The following RALYL variants were observed in gnomAD, a reference collection of about 807,000 sequenced individuals.
RALYL encodes RNA-binding Raly-like protein.
In RALYL, 29 loss-of-function variants were observed where a neutral mutation model predicts 35.1. That is an observed-to-expected ratio of 0.83 (90% confidence interval 0.61 to 1.13). RALYL has a LOEUF of 1.13. Ranked by LOEUF, RALYL falls within the 50% of genes most tolerant of loss-of-function variation. The pLI is 0.00. For missense variants in RALYL, 359 were observed against 360.4 expected (o/e 1.00, Z 0.03); for synonymous variants, 120 against 127.6 (o/e 0.94, Z 0.40).
At chr8:84,878,364 A>C (rs1388566380) in intron 7 of RALYL, among the ~76,000 whole-genome samples, 1 of 152,190 alleles carries the variant, frequency 6.6e-6, no homozygotes, top group Non-Finnish European at 1.5e-5. Context: ...GAACATGAGC[A>C]GCCCAAGAGG....
chr8:84,552,330 A>G (rs1466169289), intron 2 of RALYL, among the ~76,000 whole-genome samples: 3 of 108,950 alleles, frequency 2.8e-5, no homozygotes, highest in African/African-American at 1.0e-4. Context: ...CTATAGTAGG[A>G]TGTGTGTGTA....
intron 2 of RALYL, among the ~76,000 whole-genome samples, chr8:84,593,426 A>G (rs1240939321): frequency 6.6e-6 from 1 of 152,040 alleles, no homozygotes; most frequent in East Asian, 1.9e-4. Context: ...AAACACTGTG[A>G]TCTCTATTTG....
intron 2 of RALYL, chr8:84,705,966 G>C (rs760135376): frequency 2.4e-5 from 37 of 1,531,748 alleles, no homozygotes; most frequent in Non-Finnish European, 3.1e-5. Context: ...AGCACAACCC[G>C]TCTCTTTGTC....
At chr8:84,670,044 C>A (rs1356482702) in intron 2 of RALYL, among the ~76,000 whole-genome samples, 4 of 152,040 alleles carry the variant, frequency 2.6e-5, no homozygotes, top group Admixed American at 6.6e-5. Flanking sequence ...TATCAAAATT[C>A]TTGAGAGCTT....
chr8:84,652,138 G>A (rs189144135), intron 2 of RALYL, among the ~76,000 whole-genome samples: 1 of 152,126 alleles, frequency 6.6e-6, no homozygotes, highest in Admixed American at 6.6e-5. Context: ...CTACAAGTAG[G>A]CACAGCACTG....
rs575170996 is a variant in RALYL at position 84,425,344 on chromosome 8, C to A, written c.-23-103955C>A. The stretch of plus-strand genomic sequence containing the variant: ...GCGTCCGTCACCCCTTTCTTTGACT[C>A]GGAAAGGGAACTCCCTGACCCCTTG... On this transcript the variant is annotated intron_variant, in intron 1 of 8. Transcript: ENST00000521268. Among the ~76,000 whole-genome samples the A allele has an allele frequency of 2.7e-5, 4 of 150,024 alleles. No homozygotes were observed. In the East Asian group the frequency reaches 6.0e-4, roughly 22 times the overall value.
chr8:84,582,440 G>A (rs1019489674), intron 2 of RALYL, among the ~76,000 whole-genome samples: 1 of 151,850 alleles, frequency 6.6e-6, no homozygotes, highest in Non-Finnish European at 1.5e-5. Context: ...AGGCTGGTGT[G>A]TTAGCTGCAG....
chr8:84,507,096 G>A (rs907849683), intron 1 of RALYL, among the ~76,000 whole-genome samples: 7 of 151,896 alleles, frequency 4.6e-5, no homozygotes, highest in East Asian at 1.9e-4. Context: ...AGTTTTTATT[G>A]TTCACCACTG....
At chr8:84,722,585 T>C (rs968561186) in intron 2 of RALYL, among the ~76,000 whole-genome samples, 14 of 144,030 alleles carry the variant, frequency 9.7e-5, no homozygotes, top group Non-Finnish European at 2.1e-4. Flanking sequence ...AGAACTACAA[T>C]GTCTCAAGGT....
At chr8:84,378,995 C>T (rs1396787445) in intron 1 of RALYL, among the ~76,000 whole-genome samples, 1 of 151,926 alleles carries the variant, frequency 6.6e-6, no homozygotes, top group Non-Finnish European at 1.5e-5. Flanking sequence ...TGCCTGTTCT[C>T]AGTCCCTGCT....
intron 2 of RALYL, among the ~76,000 whole-genome samples, chr8:84,653,615 T>C (rs983087533): frequency 6.6e-6 from 1 of 152,030 alleles, no homozygotes; most frequent in African/African-American, 2.4e-5. Context: ...AGATCTCTGA[T>C]TAATTAAATT....
rs534533199 is a variant in RALYL at position 84,365,517 on chromosome 8, T to A, written c.-23-163782T>A. ...TAACTCAATTTATATAATAAAAGGA[T>A]AAAAATGAACAACTAAAAGGAAATT... is the stretch of plus-strand genomic sequence containing the variant. On this transcript the variant is annotated intron_variant, in intron 1 of 8. Coordinates refer to ENST00000521268, the MANE Select transcript of RALYL (RefSeq NM_173848.7). 3.9e-3 allele frequency among the ~76,000 whole-genome samples: 590 copies of A among 152,274 alleles called. 3 individuals are homozygous for A. Among genetic ancestry groups the A allele is most frequent in the African/African-American group, 0.014 (572 of 41,560 alleles).
chr8:84,552,355 T>A (rs1285976269), intron 2 of RALYL, among the ~76,000 whole-genome samples: 1 of 87,218 alleles, frequency 1.1e-5, no homozygotes, highest in Admixed American at 1.2e-4. Context: ...TATATATATA[T>A]ATATTTTTTT....
At chr8:84,689,676 T>C (rs1564379311) in intron 2 of RALYL, among the ~76,000 whole-genome samples, 1 of 152,172 alleles carries the variant, frequency 6.6e-6, no homozygotes, top group Non-Finnish European at 1.5e-5. Flanking sequence ...AGGGTTGAAC[T>C]AGTTTACAGT....
At chr8:84,475,190 T>C (rs1017617045) in intron 1 of RALYL, among the ~76,000 whole-genome samples, 1 of 152,018 alleles carries the variant, frequency 6.6e-6, no homozygotes, top group East Asian at 1.9e-4. Flanking sequence ...GATAGTTTGC[T>C]CAGAATGATG....
At chr8:84,557,640 T>C (rs1282010407) in intron 2 of RALYL, among the ~76,000 whole-genome samples, 1 of 152,222 alleles carries the variant, frequency 6.6e-6, no homozygotes, top group Non-Finnish European at 1.5e-5. Context: ...ACCTTTTAAT[T>C]GTGTCTATCA....
At chr8:84,187,087 G>C (rs1316387139) in intron 1 of RALYL, among the ~76,000 whole-genome samples, 15 of 152,084 alleles carry the variant, frequency 9.9e-5, no homozygotes, top group Non-Finnish European at 1.8e-4. Context: ...GGTTTCCAAG[G>C]TAAAGGTGGG....
chr8:84,274,461 T>G (rs1834956477), intron 1 of RALYL, among the ~76,000 whole-genome samples: 1 of 152,166 alleles, frequency 6.6e-6, no homozygotes, highest in South Asian at 2.1e-4. Context: ...GAAACTAAGT[T>G]ATTCATTCTT....
chr8:84,251,034 G>A (rs895795950), intron 1 of RALYL, among the ~76,000 whole-genome samples: 7 of 152,036 alleles, frequency 4.6e-5, no homozygotes, highest in African/African-American at 1.2e-4. Context: ...AAGGAGTAAT[G>A]GTGAAACAGT....
Sources: allele counts gnomAD v4.1 joint callset (sites outside exome capture counted in the v4.1 genomes callset), GRCh38; gene constraint gnomAD v4.1.1; transcripts MANE v1.5; gene names NCBI Gene and HGNC (gene_info 2026-07-23, HGNC 2026-07-21).